SLC38A2: variants seen among roughly 807,000 people sequenced by gnomAD.
The protein encoded by SLC38A2 is solute carrier family 38 member 2, also known as sodium-coupled neutral amino acid symporter 2.
Under a neutral mutation model 61.5 loss-of-function variants are expected in SLC38A2, and 11 were observed. That is an observed-to-expected ratio of 0.18 (90% CI 0.11 to 0.30). The LOEUF (loss-of-function observed/expected upper bound fraction) is 0.30. Among genes scored for constraint, SLC38A2 ranks in the 10% least tolerant of loss-of-function variants. The pLI, the probability that SLC38A2 is intolerant of heterozygous loss-of-function variation, is 1.00. For synonymous variants in SLC38A2, 217 were observed against 212.5 expected (o/e 1.02, Z -0.18); for missense variants, 522 against 600.4 (o/e 0.87, Z 1.36).
At position 46,365,191 on chromosome 12, in the gene SLC38A2, TA is replaced by T; in HGVS notation, c.564-3del. 1 of 1,611,940 alleles carries T rather than the reference TA, an allele frequency of 6.2e-7. No individual in the cohort carries two copies. The highest frequency in any genetic ancestry group is 8.5e-7 in the Non-Finnish European group (1 of 1,178,456). On this transcript the variant is annotated splice_region_variant and splice_polypyrimidine_tract_variant and intron_variant, in intron 7 of 15. Transcript: ENST00000256689. ...TAGTTCCCGTTCAGATACCACAATC[TA>T]AAGAAAACAGAAACAAGGTCAAAAC...
intron 4 of SLC38A2, among the ~76,000 whole-genome samples, chr12:46,369,498 C>T (rs61406609): frequency 0.068 from 10,297 of 152,136 alleles, 983 homozygotes; most frequent in East Asian, 0.24. Context: ...CACCAATCAG[C>T]TAAGTAAAAC....
At chr12:46,371,476 C>T in intron 1 of SLC38A2, 97 bp from the exon 2 acceptor site, 1 of 570,262 alleles carries the variant, frequency 1.8e-6, no homozygotes, top group South Asian at 2.1e-5. Flanking sequence ...TCATCCCAGG[C>T]CAGGCGAGTG....
chr12:46,362,572 T>C lies in SLC38A2; in HGVS notation c.1246A>G (p.Ile416Val). The change falls in exon 14 of 16, where the codon ATT becomes GTT. Residue 416 changes from isoleucine to valine, a missense_variant. Transcript: ENST00000256689. Reference sequence around the variant, plus strand: ...GTAAATGCCAAGATAGACACTGTAATGAGACTATGACGCCACCAACTGAAA... The same window carrying C: ...GTAAATGCCAAGATAGACACTGTAACGAGACTATGACGCCACCAACTGAAA... ...KDFSWWRHSL[I>V]TVSILAFTNL... 1 of 1,601,436 alleles carries C rather than the reference T, an allele frequency of 6.2e-7. No homozygotes were observed. Among genetic ancestry groups the C allele is most frequent in the South Asian group, 1.1e-5 (1 of 87,472 alleles).
rs371353245 is a variant in SLC38A2 at position 46,366,991 on chromosome 12, C to A, written c.482-46G>T. On this transcript the variant is annotated intron_variant, in intron 6 of 15. Coordinates refer to ENST00000256689, the MANE Select transcript of SLC38A2 (RefSeq NM_018976.5). ...ACCATTACAAGTGCAAAACGCGGCA[C>A]GTGACACTAAAACGCATGTGTCACC... is the stretch of plus-strand genomic sequence containing the variant. 5 of 1,606,218 alleles carry A rather than the reference C, an allele frequency of 3.1e-6. No homozygotes were observed. In the Admixed American group the frequency reaches 5.0e-5, roughly 16 times the overall value.
chr12:46,370,931 C>T, intron 2 of SLC38A2, 74 bp from the exon 3 acceptor site: 1 of 1,140,752 alleles, frequency 8.8e-7, no homozygotes, highest in African/African-American at 1.6e-5. Flanking sequence ...ACTGCTTTAA[C>T]ATAAAATACC....
rs892421933 is a variant in SLC38A2, at chr12:46,358,829, C to T, written c.*2282G>A. 2.6e-5 allele frequency: 4 copies of T among 152,514 alleles called. No homozygotes were observed. The highest frequency in any genetic ancestry group is 7.2e-5 in the African/African-American group (3 of 41,414). The allele number at this position is 152,514 out of a possible 1,614,324, so 9.4% of individuals were successfully genotyped here. On this transcript the variant is annotated 3_prime_UTR_variant, in exon 16 of 16. Coordinates refer to ENST00000256689, the MANE Select transcript of SLC38A2 (RefSeq NM_018976.5). ...ATTACAGTTGTAACTGAAACATCCA[C>T]GGAAGACAGTAATGCAAAATGAGGT...
At chr12:46,371,967 C>A (rs975801004) in intron 1 of SLC38A2, among the ~76,000 whole-genome samples, 6 of 152,064 alleles carry the variant, frequency 3.9e-5, no homozygotes, top group Admixed American at 1.3e-4. Context: ...CACACGCGCG[C>A]CAGTGCCCTC....
chr12:46,370,956 C>G, intron 2 of SLC38A2, 99 bp from the exon 3 acceptor site: 3 of 936,814 alleles, frequency 3.2e-6, no homozygotes, highest in Non-Finnish European at 4.9e-6. Flanking sequence ...AACAGCATAG[C>G]TCTGATACAA....
chr12:46,371,313 C>G lies in SLC38A2; in HGVS notation c.-20G>C. The G allele has an allele frequency of 6.3e-7, 1 of 1,598,974 alleles. No individual in the cohort carries two copies. The highest frequency in any genetic ancestry group is 1.1e-5 in the South Asian group (1 of 90,796). ...CTTCATGCTAAGCACTGGGAGGAAT[C>G]GGGTGCAGCTAGTAGCGCTGGGCTC... On this transcript the variant is annotated 5_prime_UTR_variant, in exon 2 of 16. Coordinates refer to ENST00000256689, the MANE Select transcript of SLC38A2 (RefSeq NM_018976.5).
intron 7 of SLC38A2, among the ~76,000 whole-genome samples, chr12:46,365,938 C>G (rs144976008): frequency 6.5e-4 from 99 of 152,262 alleles, no homozygotes; most frequent in African/African-American, 2.2e-3. Flanking sequence ...GAATTCTGTT[C>G]ACTTCAGCAG....
chr12:46,364,239 C>T, intron 10 of SLC38A2, 150 bp downstream of exon 10: 1 of 924,768 alleles, frequency 1.1e-6, no homozygotes, highest in Admixed American at 3.2e-5. Flanking sequence ...CAGATGTAAA[C>T]CAAAACTTTC....
Position 46,361,226 on chromosome 12 carries a change from G to C in SLC38A2, c.1423-17C>G. The C allele has an allele frequency of 6.2e-7, 1 of 1,601,600 alleles. No individual in the cohort carries two copies. Among genetic ancestry groups the C allele is most frequent in the Non-Finnish European group, 8.5e-7 (1 of 1,170,522 alleles). Reference sequence around the variant, plus strand: ...GAACAAAGCCTGCAAAGAGCATAGAGAAAATTGATCAGCAAGTAATAAAAC... The same window carrying C: ...GAACAAAGCCTGCAAAGAGCATAGACAAAATTGATCAGCAAGTAATAAAAC... On this transcript the variant is annotated splice_polypyrimidine_tract_variant and intron_variant, in intron 15 of 15. Transcript: ENST00000256689.
In SLC38A2 at chr12:46,371,365, G is replaced by C. The variant is rs940669355; in HGVS notation, c.-72C>G. 1 of 1,255,486 alleles carries C rather than the reference G, an allele frequency of 8.0e-7. No homozygotes were observed. Among genetic ancestry groups the C allele is most frequent in the Non-Finnish European group, 1.2e-6 (1 of 867,554 alleles). The allele number at this position is 1,255,486 out of a possible 1,614,324, so 77.8% of individuals were successfully genotyped here. A position where few individuals can be genotyped will look rare whatever the true frequency, so the allele number is the denominator to read the frequency against. The stretch of plus-strand genomic sequence containing the variant: ...TTTTGTCCTTGGCGGTGGGTGCAGC[G>C]GCCCGCGAGTCGGCCTGCGAAAGTA... On this transcript the variant is annotated 5_prime_UTR_variant, in exon 2 of 16. Transcript: ENST00000256689.
At chr12:46,371,120 A>G in intron 2 of SLC38A2, 58 bp downstream of exon 2, 1 of 1,393,242 alleles carries the variant, frequency 7.2e-7, no homozygotes, top group Non-Finnish European at 1.0e-6. Context: ...GTCCTAGGTA[A>G]CTCCCTGAAC....
chr12:46,366,409 G>A (rs1452733877), intron 7 of SLC38A2, among the ~76,000 whole-genome samples: 2 of 152,030 alleles, frequency 1.3e-5, no homozygotes, highest in African/African-American at 2.4e-5. Context: ...TTTTCCACTT[G>A]TAGTGTCATG....
intron 3 of SLC38A2, 63 bp downstream of exon 3, chr12:46,370,713 A>C: frequency 6.5e-7 from 1 of 1,534,846 alleles, no homozygotes; most frequent in Non-Finnish European, 9.0e-7. Flanking sequence ...TTGAATTCTA[A>C]AAGTAAAACT....
At position 46,364,528 on chromosome 12, in the gene SLC38A2, C is replaced by CA; in HGVS notation, c.733dup (p.Cys245LeufsTer10). 6.2e-7 allele frequency: 1 copy of CA among 1,606,924 alleles called. No homozygotes were observed. Among genetic ancestry groups the CA allele is most frequent in the Non-Finnish European group, 8.5e-7 (1 of 1,177,734 alleles). The stretch of plus-strand genomic sequence containing the variant: ...AATTATCAAAGCAGCTTCCACAGGA[C>CA]ACGGAACCTGAAATTTCTTGCAAAT... On this transcript the variant is annotated frameshift_variant, in exon 10 of 16. Transcript: ENST00000256689. LOFTEE classifies it high-confidence loss of function.
At chr12:46,365,365 G>A in intron 7 of SLC38A2, 176 bp from the exon 8 acceptor site, 1 of 630,154 alleles carries the variant, frequency 1.6e-6, no homozygotes, top group East Asian at 2.7e-5. Flanking sequence ...TTGTGTGCTA[G>A]ATGAACATTT....
intron 1 of SLC38A2, 78 bp downstream of exon 1, chr12:46,372,431 G>C: frequency 2.8e-6 from 1 of 351,474 alleles, no homozygotes; most frequent in Non-Finnish European, 5.1e-6. Flanking sequence ...CTTCCCGCGC[G>C]GCCCCTCCCG....
Sources: allele counts gnomAD v4.1 joint callset (sites outside exome capture counted in the v4.1 genomes callset), GRCh38; gene constraint gnomAD v4.1.1; transcripts MANE v1.5; gene names NCBI Gene and HGNC (gene_info 2026-07-23, HGNC 2026-07-21).